The following ZNF324B variants were observed in gnomAD, a reference collection of about 807,000 sequenced individuals.
ZNF324B encodes zinc finger protein 324B.
In ZNF324B, 7 loss-of-function variants were observed where a neutral mutation model predicts 10.6. The ratio of observed to expected loss-of-function variants is 0.66; its 90% CI spans 0.38 to 1.24. ZNF324B has a LOEUF of 1.24. Ranked by LOEUF, ZNF324B falls within the 50% of genes most tolerant of loss-of-function variation. The probability of loss-of-function intolerance (pLI) is 0.02; values close to 1 mark genes in which losing one functional copy is unlikely to be tolerated. For synonymous variants in ZNF324B, 316 were observed against 321.0 expected, an observed-to-expected ratio of 0.98 and a Z score of 0.17; for missense variants, 640 against 764.7, an observed-to-expected ratio of 0.84 and a Z score of 1.92.
the ZNF324B span, chr19:58,433,809 A>G: frequency 1.9e-6 from 3 of 1,613,940 alleles, no homozygotes; most frequent in South Asian, 2.2e-5. Context: ...CACACTCACT[A>G]CACTCGTAAG....
chr19:58,451,339 T>C (rs1433344864), upstream of ZNF324B, among the ~76,000 whole-genome samples: 1 of 152,250 alleles, frequency 6.6e-6, no homozygotes, highest in Non-Finnish European at 1.5e-5. Context: ...TCTCCAGGGC[T>C]GCTTAGGTGG....
At chr19:58,430,729 C>T in the ZNF324B span, 1 of 152,186 alleles carries the variant, frequency 6.6e-6, no homozygotes, top group Admixed American at 6.5e-5. Context: ...TCTTGAGGGT[C>T]TTTCTTCATA....
At chr19:58,434,715 T>C in the ZNF324B span, 371 of 1,614,130 alleles carry the variant, frequency 2.3e-4, 1 homozygote, top group African/African-American at 4.1e-3. Context: ...TCAGGAAGGC[T>C]TTTCCACAGT....
At position 58,455,368 on chromosome 19, in the gene ZNF324B, A is replaced by G. The variant is rs142103310; in HGVS notation, c.424A>G (p.Ile142Val). 1.0e-4 allele frequency: 168 copies of G among 1,614,050 alleles called. No homozygotes were observed. The highest frequency in any genetic ancestry group is 1.4e-4 in the Non-Finnish European group (161 of 1,180,024). The change falls in exon 4 of 4, where the codon ATC becomes GTC. Residue 142 changes from isoleucine (I) to valine (V), a missense_variant. Coordinates refer to ENST00000336614, the MANE Select transcript of ZNF324B (RefSeq NM_207395.3). The surrounding 1 kb of genome is among the most constrained non-coding windows in gnomAD (Gnocchi z 7.0). ...QERKPTGVSV[I>V]YWERLLLGSR... is the part of the protein sequence containing the mutation. The stretch of plus-strand genomic sequence containing the variant: ...GAGAAAACCCACGGGGGTGTCGGTG[A>G]TCTACTGGGAGAGGCTCCTGCTAGG...
chr19:58,441,041 G>A, the ZNF324B span: 1 of 152,590 alleles, frequency 6.6e-6, no homozygotes, highest in Non-Finnish European at 1.5e-5. Context: ...TTGTTGAGAC[G>A]TGGAGGGTAC....
upstream of ZNF324B, among the ~76,000 whole-genome samples, chr19:58,450,082 ATTC>A (rs748415790): frequency 5.3e-5 from 8 of 152,054 alleles, no homozygotes; most frequent in Non-Finnish European, 1.2e-4. Flanking sequence ...CCCCCATACT[ATTC>A]TTGTGGTAGT....
the ZNF324B span, among the ~76,000 whole-genome samples, chr19:58,425,515 G>A: frequency 2.7e-5 from 4 of 148,944 alleles, no homozygotes; most frequent in East Asian, 3.9e-4. Context: ...TTGTGGCCCA[G>A]GCTGGAGTGC....
chr19:58,438,055 A>G, the ZNF324B span, among the ~76,000 whole-genome samples: 7 of 151,774 alleles, frequency 4.6e-5, no homozygotes, highest in South Asian at 2.1e-4. Flanking sequence ...CCTGACAAAA[A>G]CCCCAGGACC....
the ZNF324B span, among the ~76,000 whole-genome samples, chr19:58,424,821 A>G: frequency 1.3e-5 from 2 of 152,114 alleles, no homozygotes; most frequent in East Asian, 3.9e-4. Context: ...CAAAAACAAA[A>G]CAAAACAATT....
chr19:58,454,333 G>C lies in ZNF324B; in HGVS notation c.227G>C (p.Arg76Thr). 6.2e-7 allele frequency: 1 copy of C among 1,612,952 alleles called. No homozygotes were observed. Among genetic ancestry groups the C allele is most frequent in the Non-Finnish European group, 8.5e-7 (1 of 1,178,938 alleles). Residue 76 changes from arginine (R) to threonine (T), a missense_variant, in exon 3 of 4, where the codon AGG (arginine) becomes ACG (threonine). This residue lies in a region of ZNF324B where 345 missense variants were observed against 387.9 expected (regional missense o/e 0.89). Transcript: ENST00000336614. Reference sequence around the variant, plus strand: ...ACCCTGGCCAGGAACACCTACGGGAGGCTCAACTCTGGTGAGTGGGAGCTC... The same window carrying C: ...ACCCTGGCCAGGAACACCTACGGGACGCTCAACTCTGGTGAGTGGGAGCTC... ...DMTLARNTYGRLNSGSWSLTE... is the reference protein window; with the variant it reads ...DMTLARNTYGTLNSGSWSLTE...
chr19:58,435,479 A>T, the ZNF324B span: 1 of 366,874 alleles, frequency 2.7e-6, no homozygotes, highest in Non-Finnish European at 5.0e-6. Context: ...AAAAGAAGAT[A>T]TATACACAAA....
the ZNF324B span, chr19:58,435,154 T>TC: frequency 6.2e-7 from 1 of 1,614,180 alleles, no homozygotes; most frequent in Admixed American, 1.7e-5. Flanking sequence ...CTGTAACACT[T>TC]CTACAGAAAC....
At chr19:58,441,183 G>C in the ZNF324B span, 1 of 152,304 alleles carries the variant, frequency 6.6e-6, no homozygotes, top group Non-Finnish European at 1.5e-5. Context: ...CACCGAGGGC[G>C]CCTGGGAGCC....
chr19:58,441,891 T>A, the ZNF324B span: 1 of 152,352 alleles, frequency 6.6e-6, no homozygotes. Flanking sequence ...TGGGGCTCCT[T>A]AGTGAGGTCC....
At chr19:58,434,141 C>T in the ZNF324B span, 30 of 1,614,144 alleles carry the variant, frequency 1.9e-5, no homozygotes, top group Middle Eastern at 1.6e-4. Context: ...CTTCCACATT[C>T]ACTGCATTCA....
chr19:58,442,803 T>C, the ZNF324B span: 71 of 152,426 alleles, frequency 4.7e-4, no homozygotes, highest in African/African-American at 1.7e-3. Flanking sequence ...GCTGCAGACC[T>C]TTGTGGTGAG....
At chr19:58,437,616 C>G in the ZNF324B span, 1 of 841,082 alleles carries the variant, frequency 1.2e-6, no homozygotes, top group African/African-American at 1.8e-5. Flanking sequence ...GGTTCACATT[C>G]TCTCACCTTT....
rs778445537 is a variant in ZNF324B, at chr19:58,456,340, G to A, written c.1396G>A (p.Ala466Thr). Reference protein sequence around the residue: ...VDCGKGFAKGAVLLSHRRIHT... With the variant: ...VDCGKGFAKGTVLLSHRRIHT... ...CTGTGGCAAGGGTTTCGCCAAGGGC[G>A]CCGTGCTGCTCAGCCACCGGCGCAT... Residue 466 changes from alanine (A) to threonine (T), a missense_variant, in exon 4 of 4, where the codon GCC becomes ACC. By Grantham distance (58) the Ala-to-Thr change is moderately conservative (BLOSUM62 0). This residue lies in a region of ZNF324B where 238 missense variants were observed against 258.0 expected (regional missense o/e 0.92). Coordinates refer to ENST00000336614, the MANE Select transcript of ZNF324B (RefSeq NM_207395.3). The surrounding 1 kb of genome is among the most constrained non-coding windows in gnomAD (Gnocchi z 4.7). 9 of 1,612,414 alleles carry A rather than the reference G, an allele frequency of 5.6e-6. No individual in the cohort carries two copies. The highest frequency in any genetic ancestry group is 2.2e-5 in the East Asian group (1 of 44,874).
upstream of ZNF324B, among the ~76,000 whole-genome samples, chr19:58,449,174 G>A (rs775470468): frequency 1.3e-5 from 2 of 152,248 alleles, no homozygotes; most frequent in Non-Finnish European, 2.9e-5. Flanking sequence ...CAAGCCTCAA[G>A]CCTTGGCAGC....
Sources: gnomAD v4.1 joint callset for allele counts (sites outside exome capture counted in the v4.1 genomes callset) on GRCh38, gnomAD v4.1.1 for gene constraint, gnomAD v4.1.1 regional missense constraint, Gnocchi (gnomAD v3.1) non-coding constraint, MANE v1.5 for transcripts, NCBI Gene and HGNC (gene_info 2026-07-23, HGNC 2026-07-21) for gene names.